The following DPH6 variants were observed in gnomAD, a reference collection of about 807,000 sequenced individuals.
The protein encoded by DPH6 is diphthamine biosynthesis 6, also known as diphthine--ammonia ligase.
In DPH6, 33 loss-of-function variants were observed where a neutral mutation model predicts 38.2. That is an observed-to-expected ratio of 0.86 (90% CI 0.65 to 1.15). The LOEUF is 1.15. DPH6 is among the 50% of genes most tolerant of loss of function. The pLI is 0.00. For missense variants in DPH6, 325 were observed against 320.0 expected (o/e 1.02, Z -0.12); for synonymous variants, 108 against 103.0 (o/e 1.05, Z -0.30).
At chr15:35,426,248 G>C (rs1400242792) in intron 5 of DPH6, among the ~76,000 whole-genome samples, 1 of 151,410 alleles carries the variant, frequency 6.6e-6, no homozygotes, top group Non-Finnish European at 1.5e-5. Flanking sequence ...TTTGCATAAA[G>C]GTAGAAATAT....
intron 3 of DPH6, among the ~76,000 whole-genome samples, chr15:35,364,790 G>C (rs759462232): frequency 6.6e-6 from 1 of 151,522 alleles, no homozygotes; most frequent in Non-Finnish European, 1.5e-5. Flanking sequence ...AAGACTTCTT[G>C]AATCTATACT....
intron 6 of DPH6, among the ~76,000 whole-genome samples, chr15:35,382,190 C>T (rs1484584251): frequency 1.3e-5 from 2 of 152,184 alleles, no homozygotes; most frequent in African/African-American, 4.8e-5. Context: ...AATCCCAGCA[C>T]TTTGGGAGGC....
At chr15:35,524,831 G>T (rs1431453606) in intron 3 of DPH6, among the ~76,000 whole-genome samples, 1 of 152,152 alleles carries the variant, frequency 6.6e-6, no homozygotes, top group Non-Finnish European at 1.5e-5. Flanking sequence ...GAAACTTTAA[G>T]TTGCATGATT....
intron 5 of DPH6, among the ~76,000 whole-genome samples, chr15:35,413,069 C>G (rs2053389225): frequency 6.6e-6 from 1 of 151,432 alleles, no homozygotes; most frequent in South Asian, 2.1e-4. Flanking sequence ...TGGGGGAGGT[C>G]ATGCGGTATG....
intron 3 of DPH6, among the ~76,000 whole-genome samples, chr15:35,530,677 T>C (rs963877604): frequency 4.6e-5 from 7 of 152,192 alleles, no homozygotes; most frequent in Admixed American, 3.9e-4. Flanking sequence ...TTCTAGGCTT[T>C]AGGGGGAATT....
intron 3 of DPH6, among the ~76,000 whole-genome samples, chr15:35,513,850 CTT>C (rs2054809791): frequency 6.6e-6 from 1 of 151,876 alleles, no homozygotes; most frequent in Non-Finnish European, 1.5e-5. Flanking sequence ...AGCTAAAAAT[CTT>C]TTTATAAAGC....
chr15:35,259,908 A>T (rs907764779), intron 3 of DPH6, among the ~76,000 whole-genome samples: 32 of 152,224 alleles, frequency 2.1e-4, no homozygotes, highest in African/African-American at 7.5e-4. Flanking sequence ...GATACCAAGA[A>T]GTGAAAGCAA....
intron 3 of DPH6, among the ~76,000 whole-genome samples, chr15:35,316,075 A>G (rs541089918): frequency 6.6e-6 from 1 of 152,260 alleles, no homozygotes; most frequent in African/African-American, 2.4e-5. Flanking sequence ...AAATTGATTA[A>G]TAGGTACAAA....
At chr15:35,401,450 A>G in intron 6 of DPH6, 1 of 774,332 alleles carries the variant, frequency 1.3e-6, no homozygotes, top group East Asian at 2.4e-5. Flanking sequence ...AGCAGGGGCT[A>G]TGGAAGTGGT....
chr15:35,230,034 C>T (rs542131962), intron 3 of DPH6, among the ~76,000 whole-genome samples: 6 of 152,198 alleles, frequency 3.9e-5, no homozygotes, highest in Non-Finnish European at 7.3e-5. Flanking sequence ...GCTGCAACCA[C>T]TCCCTGGCTA....
intron 3 of DPH6, chr15:35,282,769 TC>T: frequency 2.9e-6 from 1 of 343,712 alleles, no homozygotes; most frequent in Non-Finnish European, 6.0e-6. Context: ...AGTTGTCTAG[TC>T]ATCCCTTCCA....
intron 5 of DPH6, among the ~76,000 whole-genome samples, chr15:35,429,331 G>C (rs1042478704): frequency 3.3e-5 from 5 of 152,014 alleles, no homozygotes; most frequent in African/African-American, 1.2e-4. Context: ...CTGAAATTCA[G>C]AACTGTTTAT....
At chr15:35,286,545 A>C (rs867956314) in intron 3 of DPH6, among the ~76,000 whole-genome samples, 1 of 152,236 alleles carries the variant, frequency 6.6e-6, no homozygotes, top group Non-Finnish European at 1.5e-5. Context: ...TGACTGAATA[A>C]ATAGTTCATA....
At chr15:35,435,361 T>C (rs2053684329) in intron 5 of DPH6, among the ~76,000 whole-genome samples, 1 of 152,232 alleles carries the variant, frequency 6.6e-6, no homozygotes, top group African/African-American at 2.4e-5. Context: ...AGACAACTGT[T>C]CGAATGGCTT....
At chr15:35,471,455 C>T (rs1285258535) in intron 3 of DPH6, among the ~76,000 whole-genome samples, 1 of 152,204 alleles carries the variant, frequency 6.6e-6, no homozygotes, top group East Asian at 1.9e-4. Flanking sequence ...ACTTCTCCCT[C>T]CAATTGATAC....
intron 3 of DPH6, among the ~76,000 whole-genome samples, chr15:35,342,336 G>T (rs554550604): frequency 6.6e-6 from 1 of 152,206 alleles, no homozygotes. Context: ...TGATCTATGG[G>T]TTGCAAAGAT....
Position 35,457,333 on chromosome 15 carries a change from C to T in DPH6, c.313-2513G>A, listed in dbSNP as rs145108223. On this transcript the variant is annotated intron_variant, in intron 3 of 8. Coordinates refer to ENST00000256538, the MANE Select transcript of DPH6 (RefSeq NM_080650.4). ...CTCTGACTATTCTTCAACACTGAGC[C>T]TATATACAGACCATCAGTTGTATTT... is the stretch of plus-strand genomic sequence containing the variant. Among the ~76,000 whole-genome samples, 12 of 151,542 alleles carry T rather than the reference C, an allele frequency of 7.9e-5. No homozygotes were observed. The East Asian group carries it at 2.4e-3, about 31-fold the overall frequency.
rs1354740828 is a variant in DPH6 at position 35,489,519 on chromosome 15, T to G, written c.313-34699A>C. On this transcript the variant is annotated intron_variant, in intron 3 of 8. Transcript: ENST00000256538. ...AACTAGAATTATAGCCAGAACTTAT[T>G]TTCATAATCTTTTGCAGGGATGAGT... 4 of 983,458 alleles carry G rather than the reference T, an allele frequency of 4.1e-6. No individual in the cohort carries two copies. The African/African-American group carries it at 7.0e-5, about 17-fold the overall frequency. The allele number at this position is 983,458 out of a possible 1,614,324, so 60.9% of individuals were successfully genotyped here.
Position 35,235,581 on chromosome 15 carries a change from TAG to T in DPH6, n.201-15001_201-15000del, listed in dbSNP as rs542446883. ...AGTATTCAATGTAATCCAGAGAGAA[TAG>T]AGAGAGCCTGATTGCACTGCAGTTT... On this transcript the variant is annotated intron_variant and non_coding_transcript_variant, in intron 3 of 3. Coordinates refer to the DPH6 transcript ENST00000560386. 2.8e-4 allele frequency among the ~76,000 whole-genome samples: 42 copies of T among 152,350 alleles called. No homozygotes were observed. The East Asian group carries it at 6.0e-3, about 22-fold the overall frequency.
Sources: allele counts gnomAD v4.1 joint callset (sites outside exome capture counted in the v4.1 genomes callset), GRCh38; gene constraint gnomAD v4.1.1; transcripts MANE v1.5; gene names NCBI Gene and HGNC (gene_info 2026-07-23, HGNC 2026-07-21).